The following ADAMTS16 variants were observed in gnomAD, a reference collection of about 807,000 sequenced individuals.
ADAMTS16 encodes A disintegrin and metalloproteinase with thrombospondin motifs 16.
A neutral mutation model predicts 145.8 loss-of-function variants in ADAMTS16; 94 were observed. The observed-to-expected ratio is 0.64, with a 90% CI of 0.55 to 0.77. The LOEUF is 0.77. Ranked by LOEUF, ADAMTS16 falls within the 30% of genes least tolerant of loss-of-function variation. The probability of loss-of-function intolerance (pLI) is 0.00; values close to 1 mark genes in which losing one functional copy is unlikely to be tolerated. For missense variants in ADAMTS16, 1,585 were observed against 1,591.5 expected (o/e 1.00, Z 0.07); for synonymous variants, 659 against 604.3 (o/e 1.09, Z -1.33).
chr5:5,216,852 C>T (rs868618208), intron 10 of ADAMTS16, among the ~76,000 whole-genome samples: 1 of 146,456 alleles, frequency 6.8e-6, no homozygotes, highest in East Asian at 2.0e-4. Flanking sequence ...TGAGAATATG[C>T]GGTGTTTGGT....
At chr5:5,245,730 A>G (rs1167467148) in intron 17 of ADAMTS16, among the ~76,000 whole-genome samples, 1 of 152,206 alleles carries the variant, frequency 6.6e-6, no homozygotes, top group East Asian at 1.9e-4. Flanking sequence ...TGATTTAAAG[A>G]GATCTCATTT....
chr5:5,298,589 C>T (rs1369867326), intron 18 of ADAMTS16, among the ~76,000 whole-genome samples: 1 of 152,248 alleles, frequency 6.6e-6, no homozygotes, highest in African/African-American at 2.4e-5. Context: ...TTACAGCCGG[C>T]CTGCACTCTT....
chr5:5,185,995 G>T, intron 4 of ADAMTS16, 57 bp from the exon 5 acceptor site: 1 of 1,470,426 alleles, frequency 6.8e-7, no homozygotes. Flanking sequence ...ACGAGTTACG[G>T]CCCTGATTTT....
At chr5:5,160,987 T>C (rs955715058) in intron 3 of ADAMTS16, among the ~76,000 whole-genome samples, 8 of 152,210 alleles carry the variant, frequency 5.3e-5, no homozygotes, top group African/African-American at 1.9e-4. Context: ...AGATTGCAAT[T>C]TAAATGTAAA....
rs2913649 is a variant in ADAMTS16 at position 5,256,705 on chromosome 5, T to A, written c.2663-5952T>A. On this transcript the variant is annotated intron_variant, in intron 17 of 22. Transcript: ENST00000274181. The stretch of plus-strand genomic sequence containing the variant: ...TGCTTAGTTAAGAGACCGTACCTTG[T>A]GCAGAATCATCAATGATCATAAAGG... Among the ~76,000 whole-genome samples, 88 of 152,326 alleles carry A rather than the reference T, an allele frequency of 5.8e-4. 1 individual carries two copies. Among genetic ancestry groups the A allele is most frequent in the Admixed American group, 1.3e-3 (20 of 15,300 alleles).
At chr5:5,300,450 T>C (rs1039519149) in intron 18 of ADAMTS16, among the ~76,000 whole-genome samples, 3 of 152,208 alleles carry the variant, frequency 2.0e-5, no homozygotes, top group Non-Finnish European at 4.4e-5. Flanking sequence ...ACAATCCATA[T>C]AGGGCAACTC....
At chr5:5,154,163 G>A (rs571592309) in intron 3 of ADAMTS16, among the ~76,000 whole-genome samples, 2 of 152,198 alleles carry the variant, frequency 1.3e-5, no homozygotes, top group Non-Finnish European at 2.9e-5. Context: ...CCACATGGGG[G>A]TATGATCAGA....
rs944728453 is a variant in ADAMTS16 at position 5,185,960 on chromosome 5, A to G, written c.764-92A>G. 9.6e-6 allele frequency: 11 copies of G among 1,146,120 alleles called. No individual in the cohort carries two copies. In the African/African-American group the frequency reaches 1.4e-4, roughly 14 times the overall value. The allele number at this position is 1,146,120 out of a possible 1,614,324, so 71.0% of individuals were successfully genotyped here. ...TATGTGGTTTTTATCATGAGTGTTC[A>G]TTTTTGAGACCAAATTTCTCTATGA... On this transcript the variant is annotated intron_variant, in intron 4 of 22. Coordinates refer to ENST00000274181, the MANE Select transcript of ADAMTS16 (RefSeq NM_139056.4).
intron 17 of ADAMTS16, among the ~76,000 whole-genome samples, chr5:5,251,305 T>C (rs1253900239): frequency 6.6e-6 from 1 of 152,184 alleles, no homozygotes; most frequent in Non-Finnish European, 1.5e-5. Context: ...GTATCCTTCA[T>C]TTGCAGAGAG....
At chr5:5,245,519 T>C (rs1047105314) in intron 17 of ADAMTS16, among the ~76,000 whole-genome samples, 1 of 152,224 alleles carries the variant, frequency 6.6e-6, no homozygotes, top group Non-Finnish European at 1.5e-5. Context: ...TTAAGACTTC[T>C]ACTTGCATAG....
At chr5:5,142,484 T>G (rs1475109124) in intron 2 of ADAMTS16, 1 of 152,304 alleles carries the variant, frequency 6.6e-6, no homozygotes, top group Non-Finnish European at 1.5e-5. Flanking sequence ...AAATGGCTAA[T>G]GTGTGAGTCT....
At chr5:5,145,874 A>C (rs1243978133) in intron 2 of ADAMTS16, among the ~76,000 whole-genome samples, 1 of 152,182 alleles carries the variant, frequency 6.6e-6, no homozygotes, top group Non-Finnish European at 1.5e-5. Context: ...AGCTGTTAAC[A>C]TCACCGCATC....
At chr5:5,212,149 G>A (rs565730213) in intron 10 of ADAMTS16, among the ~76,000 whole-genome samples, 9 of 150,102 alleles carry the variant, frequency 6.0e-5, no homozygotes, top group Admixed American at 6.7e-5. Context: ...CAATTATTAC[G>A]TATGTTTCTA....
At chr5:5,291,382 TGAG>T (rs968134854) in intron 18 of ADAMTS16, among the ~76,000 whole-genome samples, 44 of 152,016 alleles carry the variant, frequency 2.9e-4, no homozygotes, top group African/African-American at 8.7e-4. Context: ...AGGTGAGGGT[TGAG>T]GAGGAGAAGA....
intron 8 of ADAMTS16, among the ~76,000 whole-genome samples, chr5:5,199,236 C>T (rs1336917069): frequency 6.6e-6 from 1 of 152,118 alleles, no homozygotes; most frequent in Non-Finnish European, 1.5e-5. Context: ...GTGATTCTCA[C>T]AGGTGCACGG....
At chr5:5,166,136 A>G (rs945415626) in intron 3 of ADAMTS16, among the ~76,000 whole-genome samples, 3 of 152,134 alleles carry the variant, frequency 2.0e-5, no homozygotes, top group Non-Finnish European at 4.4e-5. Context: ...AAGTTTATTT[A>G]ATCTACAGTC....
chr5:5,233,320 C>T (rs1199263361), intron 12 of ADAMTS16, among the ~76,000 whole-genome samples: 6 of 152,078 alleles, frequency 3.9e-5, no homozygotes, highest in Non-Finnish European at 7.4e-5. Flanking sequence ...AGTGAAGAGG[C>T]TTTAATTTTT....
intron 9 of ADAMTS16, among the ~76,000 whole-genome samples, chr5:5,202,369 A>AT (rs202222747): frequency 3.9e-5 from 6 of 152,152 alleles, no homozygotes; most frequent in African/African-American, 1.4e-4. Flanking sequence ...ACACTTGATC[A>AT]TTTTTTAAAA....
At chr5:5,198,878 T>A (rs997380580) in intron 8 of ADAMTS16, among the ~76,000 whole-genome samples, 2 of 152,180 alleles carry the variant, frequency 1.3e-5, no homozygotes, top group Non-Finnish European at 2.9e-5. Context: ...GGCAGCATAA[T>A]GTCCCACATA....
Sources: gnomAD v4.1 joint callset for allele counts (sites outside exome capture counted in the v4.1 genomes callset) on GRCh38, gnomAD v4.1.1 for gene constraint, MANE v1.5 for transcripts, NCBI Gene and HGNC (gene_info 2026-07-23, HGNC 2026-07-21) for gene names.